SUGCT: variants seen among roughly 807,000 people sequenced by gnomAD.
The protein encoded by SUGCT is succinyl-CoA:glutarate CoA-transferase.
A neutral mutation model predicts 55.0 loss-of-function variants in SUGCT; 41 were observed. That is an observed-to-expected ratio of 0.74 (90% confidence interval 0.58 to 0.97). The LOEUF (loss-of-function observed/expected upper bound fraction) is 0.97, where lower values mean the gene tolerates loss of function less well. SUGCT is among the 50% of genes least tolerant of loss of function. SUGCT has a pLI of 0.00. For missense variants in SUGCT, 568 were observed against 547.8 expected (o/e 1.04, Z -0.37); for synonymous variants, 187 against 200.4 (o/e 0.93, Z 0.56).
At chr7:40,324,069 C>G (rs1443690511) in intron 9 of SUGCT, among the ~76,000 whole-genome samples, 1 of 151,702 alleles carries the variant, frequency 6.6e-6, no homozygotes, top group Non-Finnish European at 1.5e-5. Flanking sequence ...TCTACTGTAC[C>G]TCCCAAACTC....
intron 9 of SUGCT, among the ~76,000 whole-genome samples, chr7:40,361,881 C>G (rs1798173716): frequency 6.6e-6 from 1 of 151,836 alleles, no homozygotes; most frequent in Non-Finnish European, 1.5e-5. Flanking sequence ...AAGAAATATC[C>G]TGATGCCTGA....
chr7:40,216,869 A>G (rs1348285147), intron 6 of SUGCT, among the ~76,000 whole-genome samples: 1 of 151,994 alleles, frequency 6.6e-6, no homozygotes, highest in Non-Finnish European at 1.5e-5. Flanking sequence ...AAAAAAAAAA[A>G]GAAAAGTGTT....
intron 11 of SUGCT, among the ~76,000 whole-genome samples, chr7:40,481,121 G>A (rs1420971734): frequency 3.3e-5 from 5 of 152,032 alleles, no homozygotes; most frequent in South Asian, 2.1e-4. Context: ...ATTGCTTGAA[G>A]CCAGGAAGGA....
intron 13 of SUGCT, among the ~76,000 whole-genome samples, chr7:40,832,021 T>C (rs1337967707): frequency 6.6e-6 from 1 of 152,160 alleles, no homozygotes; most frequent in African/African-American, 2.4e-5. Flanking sequence ...GTCTTGGGTG[T>C]TGTGGTACAG....
At chr7:40,657,481 A>G (rs1420972031) in intron 12 of SUGCT, among the ~76,000 whole-genome samples, 1 of 151,232 alleles carries the variant, frequency 6.6e-6, no homozygotes, top group East Asian at 1.9e-4. Flanking sequence ...AGGCCCTGTA[A>G]CATTTAATTA....
At chr7:40,599,209 A>G (rs1230329821) in intron 12 of SUGCT, among the ~76,000 whole-genome samples, 1 of 152,144 alleles carries the variant, frequency 6.6e-6, no homozygotes, top group Non-Finnish European at 1.5e-5. Context: ...ACCCAATATT[A>G]TCCTTGCCAC....
intron 9 of SUGCT, among the ~76,000 whole-genome samples, chr7:40,386,669 A>G (rs929059297): frequency 2.0e-5 from 3 of 152,292 alleles, no homozygotes; most frequent in South Asian, 4.1e-4. Flanking sequence ...GAGTCCCACA[A>G]TACACATACT....
chr7:40,337,783 C>G (rs1281335306), intron 9 of SUGCT, among the ~76,000 whole-genome samples: 1 of 151,824 alleles, frequency 6.6e-6, no homozygotes, highest in Admixed American at 6.6e-5. Context: ...GAATTTGATC[C>G]TGTCATTATG....
chr7:40,568,242 C>T (rs1173339819), intron 12 of SUGCT, among the ~76,000 whole-genome samples: 1 of 152,074 alleles, frequency 6.6e-6, no homozygotes, highest in African/African-American at 2.4e-5. Flanking sequence ...TACCACATTT[C>T]TTAATTTTTA....
At chr7:40,219,876 T>C (rs530223077) in intron 6 of SUGCT, among the ~76,000 whole-genome samples, 2 of 152,164 alleles carry the variant, frequency 1.3e-5, no homozygotes, top group South Asian at 4.1e-4. Flanking sequence ...CTAAATCTTA[T>C]GTTCACTCCC....
intron 6 of SUGCT, among the ~76,000 whole-genome samples, chr7:40,197,666 T>G (rs761960815): frequency 1.9e-4 from 29 of 152,182 alleles, no homozygotes; most frequent in Non-Finnish European, 2.8e-4. Context: ...ATGCATCTGC[T>G]AACAAATGGA....
intron 7 of SUGCT, among the ~76,000 whole-genome samples, chr7:40,274,070 C>CTTAT: frequency 2.9e-5 from 1 of 34,876 alleles, no homozygotes; most frequent in Non-Finnish European, 5.7e-5. Flanking sequence ...GATTTTTTAC[C>CTTAT]TTCTTTTTTT....
At chr7:40,996,328 G>A in the SUGCT span, among the ~76,000 whole-genome samples, 26 of 152,194 alleles carry the variant, frequency 1.7e-4, no homozygotes, top group African/African-American at 4.3e-4. Context: ...CAGTCTGCAC[G>A]TGAAATTTGC....
the SUGCT span, among the ~76,000 whole-genome samples, chr7:40,960,268 A>G: frequency 6.6e-5 from 10 of 152,238 alleles, no homozygotes; most frequent in South Asian, 2.1e-3. Flanking sequence ...CTCCTTCAAA[A>G]GCTGTTTCTC....
At chr7:40,965,410 A>G in the SUGCT span, 17 of 152,036 alleles carry the variant, frequency 1.1e-4, no homozygotes, top group Non-Finnish European at 1.2e-4. Context: ...TCCTTTATTC[A>G]TTAATTCATT....
chr7:40,759,834 G>T (rs111479141), intron 13 of SUGCT, among the ~76,000 whole-genome samples: 1,890 of 149,246 alleles, frequency 0.013, 31 homozygotes, highest in African/African-American at 0.043. Flanking sequence ...GGGTTTTTTT[G>T]TTGTTGTTGT....
chr7:40,968,754 C>T, the SUGCT span, among the ~76,000 whole-genome samples: 6 of 152,240 alleles, frequency 3.9e-5, no homozygotes, highest in South Asian at 2.1e-4. Flanking sequence ...GGCACAGAAG[C>T]GATCTCTGAA....
chr7:40,237,611 A>C (rs749718912), intron 6 of SUGCT, 24 bp from the exon 7 acceptor site: 17 of 1,593,758 alleles, frequency 1.1e-5, no homozygotes, highest in Admixed American at 1.7e-5. Context: ...GTGGTGCTGA[A>C]TATGTTTATT....
chr7:40,919,134 G>A, the SUGCT span, among the ~76,000 whole-genome samples: 1 of 152,122 alleles, frequency 6.6e-6, no homozygotes, highest in African/African-American at 2.4e-5. Context: ...TGAATCACAT[G>A]CCTTTAACCA....
Sources: allele counts gnomAD v4.1 joint callset (sites outside exome capture counted in the v4.1 genomes callset), GRCh38; gene constraint gnomAD v4.1.1; transcripts MANE v1.5; gene names NCBI Gene and HGNC (gene_info 2026-07-23, HGNC 2026-07-21).